The following TASP1 variants were observed in gnomAD, a reference collection of about 807,000 sequenced individuals.
The protein encoded by TASP1 is taspase 1, also known as threonine aspartase 1.
Under a neutral mutation model 56.6 loss-of-function variants are expected in TASP1, and 16 were observed. The ratio of observed to expected loss-of-function variants is 0.28; its 90% CI spans 0.19 to 0.43. The LOEUF (loss-of-function observed/expected upper bound fraction) is 0.43. TASP1 is among the 20% of genes least tolerant of loss of function. The pLI is 1.00. For synonymous variants in TASP1, 179 were observed against 184.2 expected (o/e 0.97, Z 0.23); for missense variants, 393 against 511.6 (o/e 0.77, Z 2.24).
chr20:13,211,061 A>G, the TASP1 span, among the ~76,000 whole-genome samples: 7,489 of 152,146 alleles, frequency 0.049, 491 homozygotes, highest in East Asian at 0.19. Flanking sequence ...AAGAGGAGCA[A>G]GGAGAAAGGC....
At chr20:13,159,886 T>TAAAAAAG in the TASP1 span, 9 of 1,363,332 alleles carry the variant, frequency 6.6e-6, no homozygotes, top group Middle Eastern at 2.8e-4. Flanking sequence ...CTTATTATCA[T>TAAAAAAG]AAAAAAGAAA....
the TASP1 span, among the ~76,000 whole-genome samples, chr20:13,342,215 T>C: frequency 6.6e-6 from 1 of 152,102 alleles, no homozygotes; most frequent in Non-Finnish European, 1.5e-5. Flanking sequence ...TCCCAAGTCT[T>C]CTCCGCCCAA....
chr20:13,478,340 A>C (rs2043013819), intron 11 of TASP1, among the ~76,000 whole-genome samples: 1 of 125,856 alleles, frequency 7.9e-6, no homozygotes, highest in Non-Finnish European at 1.8e-5. Flanking sequence ...ACTAAAGAAA[A>C]TATGATACAC....
chr20:13,290,902 T>G, the TASP1 span, among the ~76,000 whole-genome samples: 8 of 152,362 alleles, frequency 5.3e-5, no homozygotes, highest in South Asian at 1.7e-3. Flanking sequence ...AGAAAGCAAG[T>G]GATCAACCTG....
the TASP1 span, among the ~76,000 whole-genome samples, chr20:13,139,056 T>C: frequency 6.6e-6 from 1 of 152,084 alleles, no homozygotes; most frequent in African/African-American, 2.4e-5. Context: ...TAGAGGAGGG[T>C]AGCGTGATTC....
chr20:13,150,244 T>C, the TASP1 span, among the ~76,000 whole-genome samples: 2 of 152,216 alleles, frequency 1.3e-5, no homozygotes, highest in Admixed American at 1.3e-4. Context: ...ATATTCTCCT[T>C]CTTAATTTCT....
the TASP1 span, among the ~76,000 whole-genome samples, chr20:13,210,263 G>A: frequency 4.1e-3 from 610 of 150,400 alleles, 3 homozygotes; most frequent in African/African-American, 0.014. Context: ...ATTGATACAT[G>A]TTTGGATTGT....
At chr20:13,175,125 T>C in the TASP1 span, among the ~76,000 whole-genome samples, 2 of 152,208 alleles carry the variant, frequency 1.3e-5, no homozygotes, top group African/African-American at 4.8e-5. Context: ...ATGTCTTTAT[T>C]AGAAGTGTGA....
intron 10 of TASP1, among the ~76,000 whole-genome samples, chr20:13,491,209 T>G (rs946105631): frequency 2.0e-5 from 3 of 152,186 alleles, no homozygotes; most frequent in African/African-American, 7.2e-5. Flanking sequence ...TGGTAAAGAT[T>G]TCTCTTAGCC....
chr20:13,361,459 T>C, the TASP1 span, among the ~76,000 whole-genome samples: 1,798 of 151,712 alleles, frequency 0.012, 35 homozygotes, highest in African/African-American at 0.037. Flanking sequence ...AAAAGTAGAA[T>C]GGACTAAAGG....
the TASP1 span, among the ~76,000 whole-genome samples, chr20:13,343,685 G>C: frequency 6.6e-6 from 1 of 151,152 alleles, no homozygotes; most frequent in Non-Finnish European, 1.5e-5. Context: ...GCTCCCCCTC[G>C]GGACTCAGGG....
chr20:13,350,977 A>C, the TASP1 span, among the ~76,000 whole-genome samples: 3 of 152,010 alleles, frequency 2.0e-5, no homozygotes, highest in Non-Finnish European at 2.9e-5. Flanking sequence ...AAAAAAAAAA[A>C]AACAAAACCT....
At chr20:13,111,237 G>A in the TASP1 span, among the ~76,000 whole-genome samples, 1 of 152,104 alleles carries the variant, frequency 6.6e-6, no homozygotes, top group Non-Finnish European at 1.5e-5. Context: ...GTTTCTACCA[G>A]CTCACTTTCT....
the TASP1 span, among the ~76,000 whole-genome samples, chr20:13,252,207 A>G: frequency 6.6e-5 from 10 of 152,202 alleles, no homozygotes; most frequent in African/African-American, 2.4e-4. Context: ...CAAGTGCACA[A>G]GGGAGATGGT....
At chr20:13,268,683 C>T in the TASP1 span, among the ~76,000 whole-genome samples, 22 of 152,294 alleles carry the variant, frequency 1.4e-4, no homozygotes, top group East Asian at 1.2e-3. Flanking sequence ...TTGGCTTCTT[C>T]GAACATTCAG....
chr20:13,151,766 A>C, the TASP1 span, among the ~76,000 whole-genome samples: 1 of 152,174 alleles, frequency 6.6e-6, no homozygotes, highest in East Asian at 1.9e-4. Context: ...CTAGTGAAAA[A>C]ATGTTAGATG....
intron 8 of TASP1, among the ~76,000 whole-genome samples, chr20:13,553,938 C>T (rs2046066749): frequency 1.3e-5 from 2 of 152,184 alleles, no homozygotes; most frequent in Admixed American, 1.3e-4. Context: ...GGCTCCTTTG[C>T]AGCTGGAAAT....
chr20:13,415,608 T>C (rs965878378), intron 13 of TASP1, among the ~76,000 whole-genome samples: 1 of 152,114 alleles, frequency 6.6e-6, no homozygotes, highest in Non-Finnish European at 1.5e-5. Context: ...AGCTGGAGAA[T>C]TTACCAGCAA....
At chr20:13,220,799 G>A in the TASP1 span, among the ~76,000 whole-genome samples, 1 of 152,220 alleles carries the variant, frequency 6.6e-6, no homozygotes, top group South Asian at 2.1e-4. Context: ...CAGACGCATG[G>A]CTTGTCCGGC....
Sources: allele counts gnomAD v4.1 joint callset (sites outside exome capture counted in the v4.1 genomes callset), GRCh38; gene constraint gnomAD v4.1.1; transcripts MANE v1.5; gene names NCBI Gene and HGNC (gene_info 2026-07-23, HGNC 2026-07-21).